The following KSR2 variants were observed in gnomAD, a reference collection of about 807,000 sequenced individuals.
KSR2 encodes kinase suppressor of ras 2.
Under a neutral mutation model 107.8 loss-of-function variants are expected in KSR2, and 25 were observed. That is an observed-to-expected ratio of 0.23 (90% CI 0.17 to 0.32). KSR2 has a LOEUF of 0.32. Ranked by LOEUF, KSR2 falls within the 10% of genes least tolerant of loss-of-function variation. KSR2 has a pLI of 1.00. For synonymous variants in KSR2, 480 were observed against 507.0 expected (o/e 0.95, Z 0.71); for missense variants, 887 against 1,268.9 (o/e 0.70, Z 4.57).
intron 5 of KSR2, among the ~76,000 whole-genome samples, chr12:117,583,283 G>A (rs1879783009): frequency 6.6e-6 from 1 of 151,380 alleles, no homozygotes; most frequent in South Asian, 2.1e-4. Context: ...ATAGGTGGGT[G>A]GGTAAGTGGG....
chr12:117,867,703 G>T (rs2592293), intron 1 of KSR2, among the ~76,000 whole-genome samples: 148,089 of 152,318 alleles, frequency 0.97, 72,021 homozygotes, highest in East Asian at 1. Context: ...CCATCCTAGC[G>T]CAGTTGACAG....
At chr12:117,776,909 T>A (rs2136931138) in intron 3 of KSR2, among the ~76,000 whole-genome samples, 1 of 152,044 alleles carries the variant, frequency 6.6e-6, no homozygotes, top group East Asian at 1.9e-4. Context: ...GTGGCAATTG[T>A]GTTCTCTTCC....
At chr12:117,909,947 T>C (rs10850937) in intron 1 of KSR2, among the ~76,000 whole-genome samples, 43,435 of 151,354 alleles carry the variant, frequency 0.29, 6,700 homozygotes, top group East Asian at 0.5. Context: ...GGCAAGGGCA[T>C]GGTGGCATGG....
At chr12:117,944,894 C>T (rs1454362499) in intron 1 of KSR2, among the ~76,000 whole-genome samples, 1 of 151,460 alleles carries the variant, frequency 6.6e-6, no homozygotes, top group Admixed American at 6.6e-5. Flanking sequence ...TAAGTTAAAA[C>T]CTAAAAAAAT....
intron 4 of KSR2, among the ~76,000 whole-genome samples, chr12:117,675,548 AC>A (rs1168759943): frequency 3.9e-5 from 6 of 152,116 alleles, no homozygotes; most frequent in Non-Finnish European, 8.8e-5. Flanking sequence ...CTGAATCGAT[AC>A]CCTTTTGCCA....
At chr12:117,597,754 G>C (rs1880729533) in intron 5 of KSR2, among the ~76,000 whole-genome samples, 1 of 152,196 alleles carries the variant, frequency 6.6e-6, no homozygotes, top group South Asian at 2.1e-4. Context: ...ATATTCACCA[G>C]TTACTTTTGC....
In KSR2 at chr12:117,858,342, T is replaced by C. The variant is rs1459633364; in HGVS notation, c.321+1949A>G. Among the ~76,000 whole-genome samples the C allele has an allele frequency of 4.6e-5, 7 of 152,162 alleles. No homozygotes were observed. In the East Asian group the frequency reaches 1.2e-3, roughly 25 times the overall value. ...GCAAATACAACACTGTCTGTCCTTATACAGGACCATTCATTCTAAGGATAT... is the reference window on the plus strand; with the variant it reads ...GCAAATACAACACTGTCTGTCCTTACACAGGACCATTCATTCTAAGGATAT... On this transcript the variant is annotated intron_variant, in intron 2 of 19. Transcript: ENST00000339824.
intron 1 of KSR2, among the ~76,000 whole-genome samples, chr12:117,928,491 C>T (rs2137488041): frequency 6.6e-6 from 1 of 152,218 alleles, no homozygotes; most frequent in African/African-American, 2.4e-5. Context: ...GCCTTCATTC[C>T]TTTGTAAGGC....
At chr12:117,697,317 G>A (rs2095289997) in intron 4 of KSR2, among the ~76,000 whole-genome samples, 1 of 152,234 alleles carries the variant, frequency 6.6e-6, no homozygotes. Flanking sequence ...TCCACCCCCA[G>A]AGGGCTTCTG....
chr12:117,801,060 G>T (rs73402870), intron 3 of KSR2, among the ~76,000 whole-genome samples: 1 of 152,028 alleles, frequency 6.6e-6, no homozygotes, highest in Non-Finnish European at 1.5e-5. Context: ...ATAAGCATAC[G>T]TGTGTATGTG....
At chr12:117,793,137 AAC>A (rs1414966881) in intron 3 of KSR2, among the ~76,000 whole-genome samples, 7 of 137,222 alleles carry the variant, frequency 5.1e-5, no homozygotes, top group Non-Finnish European at 9.2e-5. Flanking sequence ...CACACACACT[AAC>A]ATGCATATAC....
intron 1 of KSR2, among the ~76,000 whole-genome samples, chr12:117,924,024 ATG>A (rs1308665449): frequency 2.9e-4 from 44 of 151,234 alleles, no homozygotes; most frequent in African/African-American, 9.0e-4. Context: ...GATTACAGGC[ATG>A]CGCCACCACG....
At chr12:117,555,803 T>G (rs1437882630) in intron 8 of KSR2, among the ~76,000 whole-genome samples, 1 of 152,214 alleles carries the variant, frequency 6.6e-6, no homozygotes, top group Non-Finnish European at 1.5e-5. Context: ...GCTAGGCACA[T>G]AGTAGATGCT....
chr12:117,640,547 C>T (rs1337440639), intron 5 of KSR2, among the ~76,000 whole-genome samples: 1 of 152,216 alleles, frequency 6.6e-6, no homozygotes, highest in Non-Finnish European at 1.5e-5. Flanking sequence ...CCACCGTGCC[C>T]AGCCTTGATG....
At chr12:117,684,408 A>C (rs1334097450) in intron 4 of KSR2, among the ~76,000 whole-genome samples, 4 of 152,240 alleles carry the variant, frequency 2.6e-5, no homozygotes, top group Non-Finnish European at 4.4e-5. Flanking sequence ...CAAATACATG[A>C]AAATCCAAGT....
chr12:117,520,869 T>C (rs1287424036), intron 14 of KSR2, among the ~76,000 whole-genome samples: 1 of 152,100 alleles, frequency 6.6e-6, no homozygotes, highest in Non-Finnish European at 1.5e-5. Context: ...CTCGAGGGCA[T>C]TTTGGTTGTC....
chr12:117,710,407 T>C (rs1886717861), intron 4 of KSR2, among the ~76,000 whole-genome samples: 2 of 152,192 alleles, frequency 1.3e-5, no homozygotes, highest in South Asian at 4.1e-4. Context: ...AAGTGTGTAT[T>C]AGGGCTGGGC....
At position 117,761,281 on chromosome 12, in the gene KSR2, G is replaced by A. The variant is rs756573845; in HGVS notation, c.716C>T (p.Pro239Leu). Residue 239 changes from proline to leucine, a missense_variant, in exon 4 of 20, where the codon CCG becomes CTG. Pro to Leu is a moderately conservative substitution (Grantham distance 98, BLOSUM62 -3). Around this residue, in one of 8 missense-constraint regions of KSR2, gnomAD observed 399 missense variants for 479.5 expected, o/e 0.83. Coordinates refer to ENST00000339824, the MANE Select transcript of KSR2 (RefSeq NM_173598.6). ...VDAYPGLCPPPPLESGHRSLP... is the reference protein window; with the variant it reads ...VDAYPGLCPPLPLESGHRSLP... ...GGAACGGTGGCCCGACTCCAGTGGC[G>A]GGGGCGGGCACAAGCCCGGGTAGGC... is the stretch of plus-strand genomic sequence containing the variant. The A allele has an allele frequency of 4.5e-5, 68 of 1,519,894 alleles. 1 individual carries two copies. The highest frequency in any genetic ancestry group is 3.6e-4 in the Admixed American group (16 of 44,072). 94.2% of individuals were successfully genotyped at this position (1,519,894 alleles called of 1,614,324 possible).
In KSR2 at chr12:117,740,659, A is replaced by G. The variant is rs976426626; in HGVS notation, c.986+20352T>C. ...TATATACATATATTATATATGTAAT[A>G]TATAATATATATAATATATATACAC... is the stretch of plus-strand genomic sequence containing the variant. On this transcript the variant is annotated intron_variant, in intron 4 of 19. Transcript: ENST00000339824. Among the ~76,000 whole-genome samples the G allele has an allele frequency of 3.3e-5, 3 of 90,300 alleles. No homozygotes were observed. In the South Asian group the frequency reaches 1.3e-3, roughly 41 times the overall value. 59.2% of individuals were successfully genotyped at this position (90,300 alleles called of 152,430 possible).
Sources: gnomAD v4.1 joint callset for allele counts (sites outside exome capture counted in the v4.1 genomes callset) on GRCh38, gnomAD v4.1.1 for gene constraint, gnomAD v4.1.1 regional missense constraint, MANE v1.5 for transcripts, NCBI Gene and HGNC (gene_info 2026-07-23, HGNC 2026-07-21) for gene names.